Variants in EDEM1 observed in about 807,000 individuals in gnomAD.
The protein encoded by EDEM1 is ER degradation enhancing alpha-mannosidase like protein 1.
A neutral mutation model predicts 74.4 loss-of-function variants in EDEM1; 67 were observed. The ratio of observed to expected loss-of-function variants is 0.90; its 90% CI spans 0.74 to 1.10. The LOEUF is 1.10. Among genes scored for constraint, EDEM1 ranks in the 50% least tolerant of loss-of-function variants. The pLI is 0.00. For synonymous variants in EDEM1, 382 were observed against 335.9 expected (o/e 1.14, Z -1.50); for missense variants, 926 against 851.6 (o/e 1.09, Z -1.09).
At chr3:5,194,735 A>G (rs552083967) in intron 1 of EDEM1, among the ~76,000 whole-genome samples, 1 of 152,376 alleles carries the variant, frequency 6.6e-6, no homozygotes, top group South Asian at 2.1e-4. Flanking sequence ...GCAGATGAGT[A>G]ATATTGACAC....
intron 1 of EDEM1, 62 bp from the exon 2 acceptor site, chr3:5,195,147 A>T: frequency 2.0e-6 from 2 of 994,466 alleles, no homozygotes; most frequent in Non-Finnish European, 2.8e-6. Context: ...ATGGGTGTTT[A>T]CTTTTATTGT....
At position 5,216,025 on chromosome 3, in the gene EDEM1, G is replaced by A. The variant is rs1178750709; in HGVS notation, c.*107G>A. Reference sequence around the variant, plus strand: ...GGGGACAGAAGTCTTGCTGTCCATGGTGGTGTAGGAATTTCTGTGCAACAC... The same window carrying A: ...GGGGACAGAAGTCTTGCTGTCCATGATGGTGTAGGAATTTCTGTGCAACAC... On this transcript the variant is annotated 3_prime_UTR_variant, in exon 12 of 12. Coordinates refer to ENST00000256497, the MANE Select transcript of EDEM1 (RefSeq NM_014674.3). The A allele has an allele frequency of 1.1e-5, 10 of 902,024 alleles. No homozygotes were observed. The highest frequency in any genetic ancestry group is 5.0e-5 in the Admixed American group (2 of 39,868). 55.9% of individuals were successfully genotyped at this position (902,024 alleles called of 1,614,324 possible). A position where few individuals can be genotyped will look rare whatever the true frequency, so the allele number is the denominator to read the frequency against.
intron 7 of EDEM1, 72 bp downstream of exon 7, chr3:5,207,345 T>G (rs2055111038): frequency 6.3e-7 from 1 of 1,588,288 alleles, no homozygotes; most frequent in African/African-American, 1.4e-5. Context: ...TCTTTCTTTT[T>G]TAATACCCTG....
At position 5,218,051 on chromosome 3, in the gene EDEM1, C is replaced by T. The variant is rs1359865423; in HGVS notation, c.*2133C>T. The T allele has an allele frequency of 1.3e-5, 2 of 152,242 alleles. No individual in the cohort carries two copies. Among genetic ancestry groups the T allele is most frequent in the Non-Finnish European group, 2.9e-5 (2 of 68,090 alleles). The allele number at this position is 152,242 out of a possible 1,614,324, so 9.4% of individuals were successfully genotyped here. ...ACTCGAGCAAGCCTGGGTGTTCCTTCCTCCTCATGCTCCTGGAATAGGGAA... is the reference window on the plus strand; with the variant it reads ...ACTCGAGCAAGCCTGGGTGTTCCTTTCTCCTCATGCTCCTGGAATAGGGAA... On this transcript the variant is annotated 3_prime_UTR_variant, in exon 12 of 12. Coordinates refer to ENST00000256497, the MANE Select transcript of EDEM1 (RefSeq NM_014674.3).
Position 5,187,732 on chromosome 3 carries a change from G to C in EDEM1, c.-74G>C, listed in dbSNP as rs2054840703. 5.6e-6 allele frequency: 8 copies of C among 1,427,478 alleles called. No individual in the cohort carries two copies. Among genetic ancestry groups the C allele is most frequent in the Non-Finnish European group, 7.3e-6 (8 of 1,090,950 alleles). The allele number at this position is 1,427,478 out of a possible 1,614,324, so 88.4% of individuals were successfully genotyped here. Reference sequence around the variant, plus strand: ...AAAGGGGAAGCGAGCCGGGCTACGGGGCGAGCGCGGGGTGCGGTGGTCGGC... The same window carrying C: ...AAAGGGGAAGCGAGCCGGGCTACGGCGCGAGCGCGGGGTGCGGTGGTCGGC... On this transcript the variant is annotated 5_prime_UTR_variant, in exon 1 of 12. Coordinates refer to ENST00000256497, the MANE Select transcript of EDEM1 (RefSeq NM_014674.3).
intron 2 of EDEM1, 78 bp downstream of exon 2, chr3:5,195,359 G>T: frequency 1.3e-6 from 1 of 787,316 alleles, no homozygotes; most frequent in South Asian, 2.5e-5. Flanking sequence ...CCAGCAGTGG[G>T]AATTCCAGGG....
intron 1 of EDEM1, among the ~76,000 whole-genome samples, chr3:5,190,259 G>C (rs1347459499): frequency 6.6e-6 from 1 of 152,214 alleles, no homozygotes; most frequent in Admixed American, 6.5e-5. Flanking sequence ...GGTATTACAA[G>C]AAGGGAGAGA....
intron 1 of EDEM1, among the ~76,000 whole-genome samples, chr3:5,190,019 A>G (rs1039098493): frequency 1.3e-5 from 2 of 151,322 alleles, no homozygotes; most frequent in African/African-American, 2.4e-5. Flanking sequence ...GATAAACTTC[A>G]TTTAATTGTG....
chr3:5,192,009 G>A lies in EDEM1; in HGVS notation c.510-3200G>A, dbSNP rs192220098. ...CTCAAATTAAGCCAAACAAATATTG[G>A]CCCCTCAAATGCTTAGGTACTACTA... On this transcript the variant is annotated intron_variant, in intron 1 of 11. Transcript: ENST00000256497. Among the ~76,000 whole-genome samples the A allele has an allele frequency of 1.4e-3, 210 of 152,240 alleles. 1 individual carries two copies. The highest frequency in any genetic ancestry group is 4.9e-3 in the African/African-American group (204 of 41,536).
chr3:5,200,449 A>G (rs1335013885), intron 3 of EDEM1, among the ~76,000 whole-genome samples: 4 of 151,860 alleles, frequency 2.6e-5, no homozygotes, highest in Non-Finnish European at 5.9e-5. Context: ...TCTCACTTCT[A>G]TTTCTCTCTC....
intron 2 of EDEM1, among the ~76,000 whole-genome samples, chr3:5,197,314 TAGAG>T (rs931569508): frequency 5.3e-5 from 8 of 152,158 alleles, no homozygotes; most frequent in Non-Finnish European, 1.0e-4. Flanking sequence ...GTCCCACTAT[TAGAG>T]AGCCACAGTG....
At chr3:5,215,794 G>A in intron 11 of EDEM1, 35 bp from the exon 12 acceptor site, 1 of 1,571,040 alleles carries the variant, frequency 6.4e-7, no homozygotes, top group Middle Eastern at 1.7e-4. Flanking sequence ...AGCAACATAT[G>A]AGTTTTTAAT....
At chr3:5,215,664 A>G (rs577167988) in intron 11 of EDEM1, among the ~76,000 whole-genome samples, 165 bp from the exon 12 acceptor site, 1 of 152,298 alleles carries the variant, frequency 6.6e-6, no homozygotes, top group Non-Finnish European at 1.5e-5. Flanking sequence ...GGGAGAGGCA[A>G]GGGGTGCTGC....
At chr3:5,205,887 A>C (rs1332047052) in intron 6 of EDEM1, among the ~76,000 whole-genome samples, 1 of 151,130 alleles carries the variant, frequency 6.6e-6, no homozygotes, top group Non-Finnish European at 1.5e-5. Context: ...TGTGGCTCGC[A>C]CGGATGGAGG....
Position 5,193,213 on chromosome 3 carries a change from A to C in EDEM1, c.510-1996A>C, listed in dbSNP as rs1308301371. 4.6e-5 allele frequency among the ~76,000 whole-genome samples: 7 copies of C among 152,132 alleles called. No individual in the cohort carries two copies. In the East Asian group the frequency reaches 1.2e-3, roughly 25 times the overall value. On this transcript the variant is annotated intron_variant, in intron 1 of 11. Coordinates refer to ENST00000256497, the MANE Select transcript of EDEM1 (RefSeq NM_014674.3). ...ATGATGAGGGAGCTGTTTTCTGATG[A>C]GGTGGGCTGTTGAAGCCCACTCTGT...
At position 5,218,336 on chromosome 3, in the gene EDEM1, A is replaced by C. The variant is rs1176672159; in HGVS notation, c.*2418A>C. The C allele has an allele frequency of 6.7e-6, 1 of 149,054 alleles. No individual in the cohort carries two copies. The highest frequency in any genetic ancestry group is 1.9e-4 in the East Asian group (1 of 5,154). The allele number at this position is 149,054 out of a possible 1,614,324, so 9.2% of individuals were successfully genotyped here. A position where few individuals can be genotyped will look rare whatever the true frequency, so the allele number is the denominator to read the frequency against. Reference sequence around the variant, plus strand: ...TGGATGCCAGAAGGTTCTTTGAGCCAGTTTCAAAGGTTACTTGTTTTTTTT... The same window carrying C: ...TGGATGCCAGAAGGTTCTTTGAGCCCGTTTCAAAGGTTACTTGTTTTTTTT... On this transcript the variant is annotated 3_prime_UTR_variant, in exon 12 of 12. Coordinates refer to ENST00000256497, the MANE Select transcript of EDEM1 (RefSeq NM_014674.3).
At chr3:5,215,793 T>C (rs534445053) in intron 11 of EDEM1, 36 bp from the exon 12 acceptor site, 82 of 1,569,394 alleles carry the variant, frequency 5.2e-5, no homozygotes, top group South Asian at 4.4e-4. Flanking sequence ...GAGCAACATA[T>C]GAGTTTTTAA....
rs568119086 is a variant in EDEM1 at position 5,215,812 on chromosome 3, C to T, written c.1885-17C>T. 77 of 1,609,078 alleles carry T rather than the reference C, an allele frequency of 4.8e-5. 1 individual carries two copies. The South Asian group carries it at 6.3e-4, about 13-fold the overall frequency. Reference sequence around the variant, plus strand: ...AACATATGAGTTTTTAATTTTCCCTCGTTTTTGTCTTTCTAGTGCAATCGT... The same window carrying T: ...AACATATGAGTTTTTAATTTTCCCTTGTTTTTGTCTTTCTAGTGCAATCGT... On this transcript the variant is annotated splice_polypyrimidine_tract_variant and intron_variant, in intron 11 of 11. Coordinates refer to ENST00000256497, the MANE Select transcript of EDEM1 (RefSeq NM_014674.3).
intron 9 of EDEM1, among the ~76,000 whole-genome samples, chr3:5,210,471 T>C (rs1229862057): frequency 6.6e-6 from 1 of 152,238 alleles, no homozygotes; most frequent in African/African-American, 2.4e-5. Flanking sequence ...GTGTTCATTC[T>C]AACTTCTTTC....
Sources: allele counts gnomAD v4.1 joint callset (sites outside exome capture counted in the v4.1 genomes callset), GRCh38; gene constraint gnomAD v4.1.1; transcripts MANE v1.5; gene names NCBI Gene and HGNC (gene_info 2026-07-23, HGNC 2026-07-21).